AGMO: variants seen among roughly 807,000 people sequenced by gnomAD.
AGMO encodes the protein alkylglycerol monooxygenase.
AGMO carries 75 observed loss-of-function variants against 60.2 expected under a neutral mutation model. That is an observed-to-expected ratio of 1.25 (90% CI 1.03 to 1.51). AGMO has a LOEUF of 1.51. AGMO is among the 40% of genes most tolerant of loss of function. The probability of loss-of-function intolerance (pLI) is 0.00; values close to 1 mark genes in which losing one functional copy is unlikely to be tolerated. For missense variants in AGMO, 763 were observed against 525.5 expected, an observed-to-expected ratio of 1.45 and a Z score of -4.42; for synonymous variants, 261 against 177.1, an observed-to-expected ratio of 1.47 and a Z score of -3.76.
At position 15,431,231 on chromosome 7, in the gene AGMO, C is replaced by A. The variant is rs1781229443; in HGVS notation, c.410-123G>T. ...TCTGGAACATCTCTGTAAAAGCTGG[C>A]CAATATAATTATAATTAAAATATGC... is the stretch of plus-strand genomic sequence containing the variant. On this transcript the variant is annotated intron_variant, in intron 3 of 12. Coordinates refer to ENST00000342526, the MANE Select transcript of AGMO (RefSeq NM_001004320.2). 21 of 641,656 alleles carry A rather than the reference C, an allele frequency of 3.3e-5. No individual in the cohort carries two copies. In the South Asian group the frequency reaches 4.0e-4, roughly 12 times the overall value. 39.7% of individuals were successfully genotyped at this position (641,656 alleles called of 1,614,324 possible). A position where few individuals can be genotyped will look rare whatever the true frequency, so the allele number is the denominator to read the frequency against.
intron 12 of AGMO, among the ~76,000 whole-genome samples, chr7:15,256,564 A>AT (rs1783106323): frequency 6.6e-6 from 1 of 151,992 alleles, no homozygotes; most frequent in Non-Finnish European, 1.5e-5. Context: ...GGAGTTTCAC[A>AT]TATTAGCCAG....
At chr7:15,256,392 G>T (rs1007077668) in intron 12 of AGMO, among the ~76,000 whole-genome samples, 3 of 152,022 alleles carry the variant, frequency 2.0e-5, no homozygotes, top group African/African-American at 7.2e-5. Flanking sequence ...GCCCAGGCTG[G>T]AGTACGGTGG....
chr7:15,198,233 GAGAGAGAGAGAGAGAGAGAGAGAC>G (rs1404518504), downstream of AGMO, among the ~76,000 whole-genome samples: 1,193 of 115,662 alleles, frequency 0.01, 42 homozygotes, highest in African/African-American at 0.049. Context: ...GAGAGAGAGA[GAGAGAGAGAGAGAGAGAGAGAGAC>G]AGAGACAGAG....
At chr7:15,285,903 G>A (rs1012761286) in intron 12 of AGMO, among the ~76,000 whole-genome samples, 9 of 151,740 alleles carry the variant, frequency 5.9e-5, no homozygotes, top group Admixed American at 1.3e-4. Context: ...TAAACAGAGG[G>A]CCCCAAGTAA....
intron 3 of AGMO, among the ~76,000 whole-genome samples, chr7:15,500,380 A>AT (rs928138038): frequency 1.3e-5 from 2 of 151,880 alleles, no homozygotes; most frequent in Non-Finnish European, 2.9e-5. Context: ...TATTAATGTC[A>AT]TTAGGAACCA....
In AGMO at chr7:15,261,457, T is replaced by C. The variant is rs1475209072; in HGVS notation, c.1264-60098A>G. Among the ~76,000 whole-genome samples, 3 of 151,944 alleles carry C rather than the reference T, an allele frequency of 2.0e-5. No homozygotes were observed. The East Asian group carries it at 5.8e-4, about 29-fold the overall frequency. On this transcript the variant is annotated intron_variant, in intron 12 of 12. Transcript: ENST00000342526. ...ACCCTCCTAGAATAAACCAGGAAGA[T>C]ATAGTATCTCTGAACCGACCAATAA... is the stretch of plus-strand genomic sequence containing the variant.
chr7:15,483,186 G>A (rs1782806973), intron 3 of AGMO, among the ~76,000 whole-genome samples: 1 of 151,964 alleles, frequency 6.6e-6, no homozygotes, highest in Non-Finnish European at 1.5e-5. Context: ...AATTTAATAA[G>A]GCCATTGAAT....
intron 10 of AGMO, among the ~76,000 whole-genome samples, chr7:15,366,436 A>G (rs1391169782): frequency 6.6e-6 from 1 of 152,094 alleles, no homozygotes. Flanking sequence ...ACAATTCCAT[A>G]ATGATATTTT....
Position 15,560,177 on chromosome 7 carries a change from G to GCTTT in AGMO, c.220_221insAAAG (p.Thr74LysfsTer21). ...AGACAGAACACCAGCTGAGATTGAC[G>GCTTT]TTAAAGCATCATCCAGGCGACCTGG... is the stretch of plus-strand genomic sequence containing the variant. On this transcript the variant is annotated frameshift_variant, in exon 2 of 13. Transcript: ENST00000342526. LOFTEE classifies it high-confidence loss of function. 6.2e-7 allele frequency: 1 copy of GCTTT among 1,612,950 alleles called. No homozygotes were observed. The highest frequency in any genetic ancestry group is 1.3e-5 in the African/African-American group (1 of 74,956).
intron 12 of AGMO, among the ~76,000 whole-genome samples, chr7:15,354,732 TTATTA>T (rs1364895435): frequency 1.3e-5 from 2 of 150,792 alleles, no homozygotes; most frequent in South Asian, 2.1e-4. Flanking sequence ...ATGCAAAGCT[TTATTA>T]TATTAACACA....
chr7:15,428,248 C>G (rs982036610), intron 4 of AGMO, among the ~76,000 whole-genome samples: 1 of 152,020 alleles, frequency 6.6e-6, no homozygotes, highest in East Asian at 1.9e-4. Context: ...ATCACAGGCC[C>G]TTAAAACATC....
At chr7:15,450,913 G>A (rs1238734812) in intron 3 of AGMO, among the ~76,000 whole-genome samples, 1 of 151,940 alleles carries the variant, frequency 6.6e-6, no homozygotes, top group South Asian at 2.1e-4. Flanking sequence ...TACTTTGGAT[G>A]GGGCAAAAAT....
At chr7:15,353,251 G>A (rs1396639584) in intron 12 of AGMO, among the ~76,000 whole-genome samples, 2 of 152,106 alleles carry the variant, frequency 1.3e-5, no homozygotes, top group East Asian at 3.9e-4. Flanking sequence ...GTAATAATAG[G>A]ACAGCCATGA....
At chr7:15,130,961 A>G in the AGMO span, among the ~76,000 whole-genome samples, 5 of 152,168 alleles carry the variant, frequency 3.3e-5, no homozygotes, top group Admixed American at 2.6e-4. Flanking sequence ...AAGAATTTTA[A>G]AAGATCAGAA....
the AGMO span, among the ~76,000 whole-genome samples, chr7:15,131,668 C>T: frequency 1.3e-5 from 2 of 151,636 alleles, no homozygotes; most frequent in African/African-American, 4.8e-5. Context: ...ATTAAAGGGG[C>T]AATTTATAAA....
intron 12 of AGMO, among the ~76,000 whole-genome samples, chr7:15,209,507 TTTTG>T (rs1363534144): frequency 6.6e-6 from 1 of 152,214 alleles, no homozygotes; most frequent in African/African-American, 2.4e-5. Flanking sequence ...TTCGTATTGT[TTTTG>T]TTTATGTCAA....
chr7:15,335,301 G>A (rs1248927570), intron 12 of AGMO, among the ~76,000 whole-genome samples: 2 of 152,008 alleles, frequency 1.3e-5, no homozygotes, highest in African/African-American at 4.8e-5. Flanking sequence ...AATTCAAAAA[G>A]ACATTCATTA....
intron 5 of AGMO, among the ~76,000 whole-genome samples, chr7:15,415,543 GA>G (rs993884775): frequency 1.2e-3 from 180 of 149,732 alleles, no homozygotes; most frequent in African/African-American, 3.6e-3. Flanking sequence ...CTACCTCAAA[GA>G]AAAAAAAATA....
At chr7:15,278,428 C>G (rs11763747) in intron 12 of AGMO, among the ~76,000 whole-genome samples, 133,052 of 151,976 alleles carry the variant, frequency 0.88, 58,564 homozygotes, top group African/African-American at 0.97. Context: ...TATGAGTCCT[C>G]AAGGGACTGG....
Sources: allele counts gnomAD v4.1 joint callset (sites outside exome capture counted in the v4.1 genomes callset), GRCh38; gene constraint gnomAD v4.1.1; transcripts MANE v1.5; gene names NCBI Gene and HGNC (gene_info 2026-07-23, HGNC 2026-07-21).